Variants in P4HA3 observed in about 807,000 individuals in gnomAD.
P4HA3 encodes prolyl 4-hydroxylase subunit alpha 3, also known as prolyl 4-hydroxylase subunit alpha-3.
Under a neutral mutation model 66.7 loss-of-function variants are expected in P4HA3, and 60 were observed. That is an observed-to-expected ratio of 0.90 (90% confidence interval 0.73 to 1.12). The LOEUF (loss-of-function observed/expected upper bound fraction) is 1.12. P4HA3 is among the 50% of genes most tolerant of loss of function. The probability of loss-of-function intolerance (pLI) is 0.00; values close to 1 mark genes in which losing one functional copy is unlikely to be tolerated. For synonymous variants in P4HA3, 263 were observed against 274.6 expected, an observed-to-expected ratio of 0.96 and a Z score of 0.42; for missense variants, 683 against 685.8, an observed-to-expected ratio of 1.00 and a Z score of 0.05.
Position 74,273,633 on chromosome 11 carries a change from T to C in P4HA3, c.1336-26A>G, listed in dbSNP as rs371297421. 1.9e-5 allele frequency: 29 copies of C among 1,539,086 alleles called. No individual in the cohort carries two copies. The African/African-American group carries it at 4.1e-4, about 22-fold the overall frequency. Reference sequence around the variant, plus strand: ...CTGAGAAAAAAAAAAACAGAACATATTATTTTATGCAGATGGCACCAGAGG... The same window carrying C: ...CTGAGAAAAAAAAAAACAGAACATACTATTTTATGCAGATGGCACCAGAGG... On this transcript the variant is annotated intron_variant, in intron 9 of 12. Coordinates refer to ENST00000331597, the MANE Select transcript of P4HA3 (RefSeq NM_182904.5).
intron 1 of P4HA3, among the ~76,000 whole-genome samples, chr11:74,305,355 A>G (rs1294596855): frequency 6.6e-6 from 1 of 152,134 alleles, no homozygotes; most frequent in Non-Finnish European, 1.5e-5. Flanking sequence ...GGTGCTCTAA[A>G]TAGATTGTCT....
At position 74,311,575 on chromosome 11, in the gene P4HA3, C is replaced by T. The variant is rs1861754282; in HGVS notation, c.37G>A (p.Val13Met). The change falls in exon 1 of 13, where the codon GTG becomes ATG. Residue 13 changes from valine to methionine, a missense_variant. Transcript: ENST00000331597. ...GGGTCTCCTGTCCCGAGCGCCAGCA[C>T]CGCCAGCAGCGCCGCCAGCCGCGCC... is the stretch of plus-strand genomic sequence containing the variant. Reference protein sequence around the residue: ...PGARLAALLAVLALGTGDPER... With the variant: ...PGARLAALLAMLALGTGDPER... 4 of 1,535,732 alleles carry T rather than the reference C, an allele frequency of 2.6e-6. No individual in the cohort carries two copies. The highest frequency in any genetic ancestry group is 3.5e-6 in the Non-Finnish European group (4 of 1,152,754).
At chr11:74,280,035 G>T (rs1409956786) in intron 7 of P4HA3, among the ~76,000 whole-genome samples, 1 of 152,174 alleles carries the variant, frequency 6.6e-6, no homozygotes, top group East Asian at 1.9e-4. Flanking sequence ...GAGGGTACTT[G>T]TGAGATTTTC....
chr11:74,278,061 A>G (rs1565408825), intron 8 of P4HA3, among the ~76,000 whole-genome samples: 2 of 152,250 alleles, frequency 1.3e-5, no homozygotes, highest in Admixed American at 1.3e-4. Context: ...AAACACAAAT[A>G]TAACTAAGAA....
chr11:74,251,914 C>T (rs77599690), intron 15 of P4HA3: 19,097 of 768,810 alleles, frequency 0.025, 514 homozygotes, highest in African/African-American at 0.11. Context: ...TGTGCTCCCA[C>T]GGGTTGATGC....
Position 74,267,142 on chromosome 11 carries a change from C to A in P4HA3, c.*106G>T. On this transcript the variant is annotated 3_prime_UTR_variant, in exon 13 of 13. Coordinates refer to ENST00000331597, the MANE Select transcript of P4HA3 (RefSeq NM_182904.5). ...CGAGGCACAGACAAAGCTGACAAGG[C>A]CTTCTTCCAGGAGGCTGCTCTGCTT... The A allele has an allele frequency of 2.5e-6, 4 of 1,573,216 alleles. No homozygotes were observed. The South Asian group carries it at 4.6e-5, about 18-fold the overall frequency.
chr11:74,289,639 C>T (rs563568740), intron 4 of P4HA3, among the ~76,000 whole-genome samples: 1 of 138,132 alleles, frequency 7.2e-6, no homozygotes, highest in African/African-American at 2.7e-5. Flanking sequence ...TGTTCCCCTT[C>T]CTGTGTCCAT....
intron 8 of P4HA3, among the ~76,000 whole-genome samples, chr11:74,277,970 T>C (rs1860458041): frequency 6.6e-6 from 1 of 152,236 alleles, no homozygotes; most frequent in South Asian, 2.1e-4. Context: ...CAGAGTGCTA[T>C]GCCACATGCT....
At chr11:74,290,845 T>C (rs1308681751) in intron 4 of P4HA3, among the ~76,000 whole-genome samples, 1 of 152,240 alleles carries the variant, frequency 6.6e-6, no homozygotes. Context: ...TTGGTTACCG[T>C]AGCCTTGTAG....
At chr11:74,251,557 T>C in intron 15 of P4HA3, 3 of 1,556,964 alleles carry the variant, frequency 1.9e-6, no homozygotes, top group South Asian at 2.5e-5. Context: ...GAGGGCACCG[T>C]AGAGCCTAAC....
chr11:74,276,127 G>T (rs11236043), intron 9 of P4HA3, among the ~76,000 whole-genome samples: 23,285 of 152,118 alleles, frequency 0.15, 2,083 homozygotes, highest in East Asian at 0.3. Flanking sequence ...AAAGATGGAG[G>T]TAACAAACAC....
chr11:74,289,254 C>T (rs777510042), intron 4 of P4HA3, 124 bp from the exon 5 acceptor site: 1 of 847,536 alleles, frequency 1.2e-6, no homozygotes, highest in Non-Finnish European at 1.6e-6. Context: ...TAATAAGGCT[C>T]ACTGAAAGGA....
intron 1 of P4HA3, 21 bp from the exon 2 acceptor site, chr11:74,304,433 G>A: frequency 6.2e-7 from 1 of 1,613,366 alleles, no homozygotes; most frequent in Non-Finnish European, 8.5e-7. Context: ...GGAGTAGAAT[G>A]ATCTCACCTC....
chr11:74,298,493 T>C (rs1305972191), intron 3 of P4HA3, 132 bp from the exon 4 acceptor site: 2 of 1,105,618 alleles, frequency 1.8e-6, no homozygotes, highest in African/African-American at 3.1e-5. Flanking sequence ...TTTAATTCAA[T>C]TTATTAAGCA....
intron 1 of P4HA3, 104 bp downstream of exon 1, chr11:74,311,308 C>T: frequency 7.9e-7 from 1 of 1,271,018 alleles, no homozygotes; most frequent in Non-Finnish European, 1.0e-6. Context: ...TCCCACGCAG[C>T]ATGACAATGA....
chr11:74,283,706 A>G (rs1255102803), intron 7 of P4HA3, among the ~76,000 whole-genome samples: 4 of 152,220 alleles, frequency 2.6e-5, no homozygotes, highest in African/African-American at 9.6e-5. Context: ...GTCTCTGAAC[A>G]TACCACATAT....
chr11:74,265,145 C>T (rs1859970108), downstream of P4HA3, among the ~76,000 whole-genome samples: 1 of 152,198 alleles, frequency 6.6e-6, no homozygotes, highest in Admixed American at 6.5e-5. Flanking sequence ...AGCTCAGACC[C>T]ATCCTGTAAT....
chr11:74,291,536 G>C (rs1176746545), intron 4 of P4HA3, among the ~76,000 whole-genome samples: 2 of 152,186 alleles, frequency 1.3e-5, no homozygotes, highest in Non-Finnish European at 2.9e-5. Context: ...TTTTCAAAGG[G>C]AATGCTTCCA....
At chr11:74,307,758 C>T (rs1320865910) in intron 1 of P4HA3, among the ~76,000 whole-genome samples, 2 of 152,194 alleles carry the variant, frequency 1.3e-5, no homozygotes, top group Non-Finnish European at 2.9e-5. Flanking sequence ...ATTTGCAACC[C>T]AATCCCTGCA....
Sources: gnomAD v4.1 joint callset for allele counts (sites outside exome capture counted in the v4.1 genomes callset) on GRCh38, gnomAD v4.1.1 for gene constraint, MANE v1.5 for transcripts, NCBI Gene and HGNC (gene_info 2026-07-23, HGNC 2026-07-21) for gene names.